The following PLAAT5 variants were observed in gnomAD, a reference collection of about 807,000 sequenced individuals.
The protein encoded by PLAAT5 is Ca(2+)-independent N-acyltransferase.
In PLAAT5, 27 loss-of-function variants were observed where a neutral mutation model predicts 27.8. The ratio of observed to expected loss-of-function variants is 0.97; its 90% CI spans 0.72 to 1.34. The LOEUF (loss-of-function observed/expected upper bound fraction) is 1.34. Ranked by LOEUF, PLAAT5 falls within the 40% of genes most tolerant of loss-of-function variation. The pLI, the probability that PLAAT5 is intolerant of heterozygous loss-of-function variation, is 0.00. For synonymous variants in PLAAT5, 125 were observed against 136.1 expected, an observed-to-expected ratio of 0.92 and a Z score of 0.57; for missense variants, 368 against 343.8, an observed-to-expected ratio of 1.07 and a Z score of -0.56.
Position 63,463,227 on chromosome 11 carries a change from A to C in PLAAT5, c.*276T>G. On this transcript the variant is annotated 3_prime_UTR_variant, in exon 6 of 6. Coordinates refer to ENST00000540857, the MANE Select transcript of PLAAT5 (RefSeq NM_001146729.2). The stretch of plus-strand genomic sequence containing the variant: ...ACACAAGCAAGGTCCCATCCTACAA[A>C]GAGAGTGAAATTAGATCCGTATATG... The C allele has an allele frequency of 2.5e-6, 1 of 394,790 alleles. No individual in the cohort carries two copies. The allele number at this position is 394,790 out of a possible 1,614,324, so 24.5% of individuals were successfully genotyped here.
intron 5 of PLAAT5, among the ~76,000 whole-genome samples, 193 bp from the exon 6 acceptor site, chr11:63,463,788 G>A (rs2120197488): frequency 6.6e-6 from 1 of 152,298 alleles, no homozygotes; most frequent in South Asian, 2.1e-4. Context: ...CAGGATTGTT[G>A]GAGACAGACA....
At chr11:63,464,461 T>A (rs147087063) in intron 5 of PLAAT5, among the ~76,000 whole-genome samples, 1,942 of 152,008 alleles carry the variant, frequency 0.013, 41 homozygotes, top group African/African-American at 0.045. Flanking sequence ...ATTGAGACCA[T>A]CCTGACCAAC....
At chr11:63,467,673 C>A (rs755071149) in intron 4 of PLAAT5, among the ~76,000 whole-genome samples, 8 of 152,124 alleles carry the variant, frequency 5.3e-5, no homozygotes, top group Non-Finnish European at 1.2e-4. Context: ...CCTTATCAGG[C>A]CTCATCTCCT....
chr11:63,487,865 G>C (rs1239032639), intron 3 of PLAAT5, among the ~76,000 whole-genome samples: 1 of 152,232 alleles, frequency 6.6e-6, no homozygotes, highest in African/African-American at 2.4e-5. Context: ...AGTTATATGG[G>C]CTGGCTGCAG....
At chr11:63,470,748 T>C (rs943119478) in intron 3 of PLAAT5, 3 of 152,204 alleles carry the variant, frequency 2.0e-5, no homozygotes, top group Admixed American at 1.3e-4. Context: ...AGAAAAATTG[T>C]ACAAATATAA....
At position 63,483,782 on chromosome 11, in the gene PLAAT5, A is replaced by AT. The variant is rs1426609037; in HGVS notation, c.345+5088_345+5089insA. On this transcript the variant is annotated intron_variant, in intron 3 of 5. Transcript: ENST00000540857. ...AAGTAAATGAAATTGAAGCAAAAAAAAAATATATATATATATATGTATATA... is the reference window on the plus strand; with the variant it reads ...AAGTAAATGAAATTGAAGCAAAAAAATAAATATATATATATATATGTATATA... 1.2e-4 allele frequency among the ~76,000 whole-genome samples: 10 copies of AT among 80,512 alleles called. No homozygotes were observed. The Admixed American group carries it at 1.3e-3, about 11-fold the overall frequency. The allele number at this position is 80,512 out of a possible 152,430, so 52.8% of individuals were successfully genotyped here.
chr11:63,486,994 G>A (rs1244134115), intron 3 of PLAAT5, among the ~76,000 whole-genome samples: 6 of 152,056 alleles, frequency 3.9e-5, no homozygotes, highest in South Asian at 2.1e-4. Flanking sequence ...CTTCTTTGGC[G>A]GTCTCCTTCA....
At chr11:63,471,367 T>C (rs1352637370) in intron 3 of PLAAT5, among the ~76,000 whole-genome samples, 1 of 152,250 alleles carries the variant, frequency 6.6e-6, no homozygotes, top group East Asian at 1.9e-4. Context: ...AGTATTTGTT[T>C]TCCCTTGAAA....
At chr11:63,474,325 G>T (rs2016102993) in intron 3 of PLAAT5, among the ~76,000 whole-genome samples, 1 of 152,068 alleles carries the variant, frequency 6.6e-6, no homozygotes, top group African/African-American at 2.4e-5. Flanking sequence ...AAAGCCATCT[G>T]GGCATGAGAT....
intron 3 of PLAAT5, among the ~76,000 whole-genome samples, chr11:63,483,815 A>ATG (rs2016358930): frequency 3.0e-5 from 3 of 101,652 alleles, no homozygotes; most frequent in Non-Finnish European, 4.1e-5. Context: ...ATATATATAT[A>ATG]TATATATATA....
At chr11:63,474,267 A>G (rs2016101236) in intron 3 of PLAAT5, among the ~76,000 whole-genome samples, 1 of 152,178 alleles carries the variant, frequency 6.6e-6, no homozygotes, top group African/African-American at 2.4e-5. Flanking sequence ...AGAGTTTATG[A>G]AAGATTGGTA....
intron 2 of PLAAT5, among the ~76,000 whole-genome samples, chr11:63,489,675 G>T (rs889510202): frequency 2.6e-5 from 4 of 152,144 alleles, no homozygotes; most frequent in Non-Finnish European, 5.9e-5. Flanking sequence ...AGATGAAAAT[G>T]TGTCTCACAG....
intron 5 of PLAAT5, among the ~76,000 whole-genome samples, chr11:63,463,995 C>G (rs569522876): frequency 2.8e-4 from 43 of 152,272 alleles, no homozygotes; most frequent in African/African-American, 1.0e-3. Flanking sequence ...GTTCTTGGGC[C>G]TCATGACTCC....
In PLAAT5 at chr11:63,490,344, G is replaced by T. The variant is rs758459499; in HGVS notation, c.149-11C>A. On this transcript the variant is annotated splice_polypyrimidine_tract_variant and intron_variant, in intron 1 of 5. Transcript: ENST00000540857. Reference sequence around the variant, plus strand: ...ATCCCACGGATTCTTCTAATTCAAGGGGGGAAATGCTATTTAGACCTGTGA... The same window carrying T: ...ATCCCACGGATTCTTCTAATTCAAGTGGGGAAATGCTATTTAGACCTGTGA... 3 of 1,613,994 alleles carry T rather than the reference G, an allele frequency of 1.9e-6. No homozygotes were observed. The highest frequency in any genetic ancestry group is 2.7e-5 in the African/African-American group (2 of 74,910).
At chr11:63,483,782 AAAATATATATATATATATG>A (rs1190553217) in intron 3 of PLAAT5, among the ~76,000 whole-genome samples, 15 of 80,526 alleles carry the variant, frequency 1.9e-4, no homozygotes, top group African/African-American at 1.0e-3. Flanking sequence ...AAGCAAAAAA[AAAATATATATATATATATG>A]TATATATATA....
chr11:63,484,547 T>C (rs1221422938), intron 3 of PLAAT5, among the ~76,000 whole-genome samples: 1 of 152,008 alleles, frequency 6.6e-6, no homozygotes, highest in African/African-American at 2.4e-5. Flanking sequence ...AAAAATCACA[T>C]GATTATCTCA....
At chr11:63,468,572 T>G (rs185044478) in intron 3 of PLAAT5, 107 bp from the exon 4 acceptor site, 1 of 771,720 alleles carries the variant, frequency 1.3e-6, no homozygotes, top group East Asian at 2.6e-5. Context: ...GTGTGGTTCA[T>G]CACTTCACAG....
In PLAAT5 at chr11:63,488,879, C is replaced by T. The variant is rs763721430; in HGVS notation, c.337G>A (p.Ala113Thr). The T allele has an allele frequency of 6.2e-7, 1 of 1,610,712 alleles. No homozygotes were observed. The highest frequency in any genetic ancestry group is 1.7e-5 in the Admixed American group (1 of 59,970). ...ATTCTTGTTACACCTACCTCAGCTGCTTGCTTTATTAACTTGCCTTCATTC... is the reference window on the plus strand; with the variant it reads ...ATTCTTGTTACACCTACCTCAGCTGTTTGCTTTATTAACTTGCCTTCATTC... Reference protein sequence around the residue: ...PENEGKLIKQAAEGKPRPRPG... With the variant: ...PENEGKLIKQTAEGKPRPRPG... Residue 113 changes from alanine (A) to threonine (T), a missense_variant, in exon 3 of 6, where the codon GCA becomes ACA. Physicochemically the swap from Ala to Thr is moderately conservative, Grantham distance 58. Coordinates refer to ENST00000540857, the MANE Select transcript of PLAAT5 (RefSeq NM_001146729.2).
rs1302609031 is a variant in PLAAT5 at position 63,466,008 on chromosome 11, A to G, written c.717+102T>C. The G allele has an allele frequency of 8.1e-6, 10 of 1,237,016 alleles. No individual in the cohort carries two copies. The Admixed American group carries it at 2.0e-4, about 25-fold the overall frequency. The allele number at this position is 1,237,016 out of a possible 1,614,324, so 76.6% of individuals were successfully genotyped here. A position where few individuals can be genotyped will look rare whatever the true frequency, so the allele number is the denominator to read the frequency against. ...ATAGAAGGCCCTACTAGTATAACGA[A>G]TAATATAATGAAAGCCCTGATTACC... On this transcript the variant is annotated intron_variant, in intron 5 of 5. Transcript: ENST00000540857.
Sources: allele counts gnomAD v4.1 joint callset (sites outside exome capture counted in the v4.1 genomes callset), GRCh38; gene constraint gnomAD v4.1.1; transcripts MANE v1.5; gene names NCBI Gene and HGNC (gene_info 2026-07-23, HGNC 2026-07-21).